MARCHF1: variants seen among roughly 807,000 people sequenced by gnomAD.
MARCHF1 encodes the protein E3 ubiquitin-protein ligase MARCHF1.
Under a neutral mutation model 54.2 loss-of-function variants are expected in MARCHF1, and 40 were observed. The observed-to-expected ratio is 0.74, with a 90% CI of 0.57 to 0.96. The LOEUF is 0.96. MARCHF1 is among the 40% of genes least tolerant of loss of function. The pLI is 0.00. For synonymous variants in MARCHF1, 236 were observed against 236.3 expected, an observed-to-expected ratio of 1.00 and a Z score of 0.01; for missense variants, 586 against 656.5, an observed-to-expected ratio of 0.89 and a Z score of 1.17.
chr4:164,087,583 T>C (rs1447342016), intron 2 of MARCHF1, among the ~76,000 whole-genome samples: 1 of 152,220 alleles, frequency 6.6e-6, no homozygotes, highest in East Asian at 1.9e-4. Flanking sequence ...AATAAACACA[T>C]GGAATCAATT....
At chr4:164,283,151 C>T (rs1429153099) in intron 1 of MARCHF1, among the ~76,000 whole-genome samples, 1 of 151,088 alleles carries the variant, frequency 6.6e-6, no homozygotes, top group African/African-American at 2.4e-5. Context: ...AAATCTTATT[C>T]ATGTTTGTAC....
chr4:163,711,915 T>A (rs1745118803), intron 4 of MARCHF1, among the ~76,000 whole-genome samples: 1 of 152,204 alleles, frequency 6.6e-6, no homozygotes, highest in Admixed American at 6.5e-5. Flanking sequence ...TATTGTGTAG[T>A]CTTATCATTA....
chr4:163,886,304 CATAGATAGATAGATAGATAGATAG>C (rs10560054), intron 3 of MARCHF1, among the ~76,000 whole-genome samples: 2 of 145,198 alleles, frequency 1.4e-5, no homozygotes, highest in African/African-American at 2.5e-5. Flanking sequence ...TCTTAATAGA[CATAGATAGATAGATAGATAGATAG>C]ATAGATAGAT....
At chr4:163,929,993 A>C (rs1411807443) in intron 3 of MARCHF1, among the ~76,000 whole-genome samples, 5 of 129,676 alleles carry the variant, frequency 3.9e-5, no homozygotes, top group Non-Finnish European at 8.0e-5. Context: ...TATATATATA[A>C]TATATTATAT....
chr4:163,686,488 G>A (rs1744273120), intron 5 of MARCHF1, among the ~76,000 whole-genome samples: 2 of 139,274 alleles, frequency 1.4e-5, no homozygotes, highest in African/African-American at 5.2e-5. Flanking sequence ...GAAAGAAATG[G>A]CAAAACTCAC....
chr4:164,279,820 C>T (rs952340102), intron 1 of MARCHF1, among the ~76,000 whole-genome samples: 3 of 151,630 alleles, frequency 2.0e-5, no homozygotes, highest in Admixed American at 1.3e-4. Context: ...TCTTCCTAAT[C>T]ATTATGTGTA....
intron 2 of MARCHF1, among the ~76,000 whole-genome samples, chr4:164,090,236 G>A (rs536070511): frequency 1.3e-5 from 2 of 152,086 alleles, no homozygotes; most frequent in South Asian, 4.1e-4. Flanking sequence ...CAATACAGCT[G>A]AGACTTTTTG....
intron 2 of MARCHF1, among the ~76,000 whole-genome samples, chr4:164,056,292 C>A (rs1471837312): frequency 6.6e-6 from 1 of 152,158 alleles, no homozygotes; most frequent in Non-Finnish European, 1.5e-5. Flanking sequence ...CCTCAGGGGT[C>A]ATTCCTTAAC....
chr4:163,994,754 C>CACACACACAA (rs1553968522), intron 2 of MARCHF1, among the ~76,000 whole-genome samples: 43 of 122,140 alleles, frequency 3.5e-4, no homozygotes, highest in African/African-American at 1.3e-3. Context: ...CACACACACA[C>CACACACACAA]ACACACACAC....
chr4:164,049,312 A>G (rs1053060821), intron 2 of MARCHF1, among the ~76,000 whole-genome samples: 5 of 152,196 alleles, frequency 3.3e-5, no homozygotes, highest in African/African-American at 4.8e-5. Flanking sequence ...CCGTGATTCA[A>G]TCACCTCCCA....
intron 1 of MARCHF1, among the ~76,000 whole-genome samples, chr4:164,273,285 G>C (rs947386040): frequency 6.6e-6 from 1 of 151,988 alleles, no homozygotes; most frequent in Non-Finnish European, 1.5e-5. Context: ...CGAGCAAAGG[G>C]GAAATAATCC....
At chr4:164,048,158 G>A (rs1277841769) in intron 2 of MARCHF1, among the ~76,000 whole-genome samples, 2 of 151,990 alleles carry the variant, frequency 1.3e-5, no homozygotes, top group Admixed American at 1.3e-4. Flanking sequence ...CTTATCATGT[G>A]AACAATATAT....
chr4:163,615,046 A>G (rs892510895), intron 5 of MARCHF1, among the ~76,000 whole-genome samples: 1 of 152,066 alleles, frequency 6.6e-6, no homozygotes, highest in Non-Finnish European at 1.5e-5. Flanking sequence ...TGGGATCTCT[A>G]TTTGGCTTCT....
rs147323201 is a variant in MARCHF1, at chr4:163,642,796, A to G, written c.163-29403T>C. Among the ~76,000 whole-genome samples the G allele has an allele frequency of 6.5e-3, 983 of 152,280 alleles. 15 individuals carry two copies. The highest frequency in any genetic ancestry group is 0.023 in the African/African-American group (944 of 41,556). ...AAAACACCTGTATCTATGGAGTGCT[A>G]TGATAAAAATTACTTGACTACAATG... On this transcript the variant is annotated intron_variant, in intron 5 of 9. Coordinates refer to ENST00000514618, the MANE Select transcript of MARCHF1 (RefSeq NM_001394959.1).
intron 1 of MARCHF1, among the ~76,000 whole-genome samples, chr4:164,174,225 T>G (rs999104894): frequency 6.6e-5 from 10 of 152,188 alleles, no homozygotes; most frequent in Non-Finnish European, 8.8e-5. Context: ...AAAAATCACC[T>G]GCATCAAAAC....
chr4:163,543,069 C>G (rs528624489), intron 9 of MARCHF1, among the ~76,000 whole-genome samples: 2 of 152,220 alleles, frequency 1.3e-5, no homozygotes, highest in Non-Finnish European at 2.9e-5. Context: ...CTGGCTTCAA[C>G]TAGGTCACGG....
intron 1 of MARCHF1, among the ~76,000 whole-genome samples, chr4:164,205,460 C>T (rs2111100999): frequency 6.6e-6 from 1 of 152,262 alleles, no homozygotes; most frequent in Admixed American, 6.5e-5. Context: ...CTACTATAAA[C>T]AGTTTTGCTG....
chr4:164,379,846 G>A (rs1285956748), intron 1 of MARCHF1, among the ~76,000 whole-genome samples: 3 of 151,996 alleles, frequency 2.0e-5, no homozygotes, highest in Non-Finnish European at 4.4e-5. Flanking sequence ...CATGGTGCTA[G>A]TCAGGAGGCT....
At chr4:164,156,782 A>T (rs1730089301) in intron 1 of MARCHF1, among the ~76,000 whole-genome samples, 1 of 152,078 alleles carries the variant, frequency 6.6e-6, no homozygotes, top group Non-Finnish European at 1.5e-5. Flanking sequence ...TCCCATCCTA[A>T]TTCAGGAATC....
Sources: gnomAD v4.1 joint callset for allele counts (sites outside exome capture counted in the v4.1 genomes callset) on GRCh38, gnomAD v4.1.1 for gene constraint, MANE v1.5 for transcripts, NCBI Gene and HGNC (gene_info 2026-07-23, HGNC 2026-07-21) for gene names.